The following RUNX3 variants were observed in gnomAD, a reference collection of about 807,000 sequenced individuals.
RUNX3 encodes RUNX family transcription factor 3.
A neutral mutation model predicts 27.7 loss-of-function variants in RUNX3; 10 were observed. That is an observed-to-expected ratio of 0.36 (90% CI 0.22 to 0.61). RUNX3 has a LOEUF of 0.61. Among genes scored for constraint, RUNX3 ranks in the 20% least tolerant of loss-of-function variants. The probability of loss-of-function intolerance (pLI) is 0.72; values close to 1 mark genes in which losing one functional copy is unlikely to be tolerated. For missense variants in RUNX3, 469 were observed against 629.5 expected, an observed-to-expected ratio of 0.75 and a Z score of 2.73; for synonymous variants, 270 against 269.2, an observed-to-expected ratio of 1.00 and a Z score of -0.03.
chr1:24,961,796 C>G (rs1642119117), intron 2 of RUNX3: 1 of 152,168 alleles, frequency 6.6e-6, no homozygotes, highest in African/African-American at 2.4e-5. Flanking sequence ...CCTGCTGGCT[C>G]CATCACACTT....
chr1:24,934,094 A>G (rs888173884), upstream of RUNX3, among the ~76,000 whole-genome samples: 12 of 151,940 alleles, frequency 7.9e-5, no homozygotes, highest in African/African-American at 2.4e-4. Context: ...GAGGGGCATC[A>G]TTGTGATTGA....
rs542338610 is a variant in RUNX3, at chr1:24,915,398, T to C, written c.544+3842A>G. Among the ~76,000 whole-genome samples the C allele has an allele frequency of 3.3e-5, 5 of 152,302 alleles. No individual in the cohort carries two copies. In the South Asian group the frequency reaches 8.3e-4, roughly 25 times the overall value. ...GAGATCTTGCCACTGCACTCCAGCC[T>C]GGGCAACAGAGCAAGACTCCATCTC... On this transcript the variant is annotated intron_variant, in intron 3 of 4. Coordinates refer to ENST00000308873, the MANE Select transcript of RUNX3 (RefSeq NM_004350.3).
At chr1:24,952,534 A>C (rs1641792539) in intron 2 of RUNX3, among the ~76,000 whole-genome samples, 1 of 152,178 alleles carries the variant, frequency 6.6e-6, no homozygotes, top group Non-Finnish European at 1.5e-5. Flanking sequence ...ATCTGAACAC[A>C]CGTTGGGAGA....
At chr1:24,908,537 A>G (rs1049552872) in intron 3 of RUNX3, among the ~76,000 whole-genome samples, 8 of 152,264 alleles carry the variant, frequency 5.3e-5, no homozygotes, top group Admixed American at 2.6e-4. Context: ...GGGGTGGCAC[A>G]AGCCTGTAGT....
Position 24,904,882 on chromosome 1 carries a change from C to A in RUNX3, c.704-2216G>T, listed in dbSNP as rs564729620. 5.1e-4 allele frequency among the ~76,000 whole-genome samples: 77 copies of A among 152,326 alleles called. No individual in the cohort carries two copies. The highest frequency in any genetic ancestry group is 1.7e-3 in the African/African-American group (70 of 41,570). On this transcript the variant is annotated intron_variant, in intron 4 of 4. Coordinates refer to ENST00000308873, the MANE Select transcript of RUNX3 (RefSeq NM_004350.3). This position sits in a 1 kb window ranked among gnomAD's most constrained non-coding sequence, Gnocchi z 5.7. Reference sequence around the variant, plus strand: ...GTACCCCCACCCTGCGGCCTCGCAGCCCCAGGAAACCCGAGCTGCCCGGGG... The same window carrying A: ...GTACCCCCACCCTGCGGCCTCGCAGACCCAGGAAACCCGAGCTGCCCGGGG...
intron 2 of RUNX3, among the ~76,000 whole-genome samples, chr1:24,939,736 C>T (rs975301906): frequency 1.3e-5 from 2 of 152,238 alleles, no homozygotes; most frequent in South Asian, 2.1e-4. Context: ...GAGTTTAACC[C>T]GCTCCCTCAT....
rs111625995 is a variant in RUNX3 at position 24,902,269 on chromosome 1, G to A, written c.1101C>T (p.Ser367=). The part of the protein sequence containing the change: ...PTRMLASCTS[S]AASVAAGNLM... ...GGTTGCCGGCGGCGACAGAGGCAGC[G>A]CTGCTGGTGCAAGAGGCCAGCATGC... The change falls in exon 5 of 5, where the codon AGC becomes AGT. Residue 367 remains serine (S), a synonymous_variant. Transcript: ENST00000308873. This position sits in a 1 kb window ranked among gnomAD's most constrained non-coding sequence, Gnocchi z 9.2. 43 of 1,593,422 alleles carry A rather than the reference G, an allele frequency of 2.7e-5. No homozygotes were observed. The South Asian group carries it at 3.2e-4, about 12-fold the overall frequency.
chr1:24,902,423 G>C lies in RUNX3; in HGVS notation c.947C>G (p.Pro316Arg). The C allele has an allele frequency of 6.2e-7, 1 of 1,611,526 alleles. No individual in the cohort carries two copies. The highest frequency in any genetic ancestry group is 8.5e-7 in the Non-Finnish European group (1 of 1,178,704). ...TYLPPPYPGAPQNQSGPFQAN... is the reference protein window; with the variant it reads ...TYLPPPYPGARQNQSGPFQAN... Reference sequence around the variant, plus strand: ...CTGGAAGGGCCCGCTCTGGTTCTGCGGGGCCCCCGGGTAGGGTGGCGGGAG... The same window carrying C: ...CTGGAAGGGCCCGCTCTGGTTCTGCCGGGCCCCCGGGTAGGGTGGCGGGAG... Residue 316 changes from proline (P) to arginine (R), a missense_variant, in exon 5 of 5, where the codon CCG (proline) becomes CGG (arginine). Around this residue, in one of 3 missense-constraint regions of RUNX3, gnomAD observed 279 missense variants for 343.0 expected, o/e 0.81. Coordinates refer to ENST00000308873, the MANE Select transcript of RUNX3 (RefSeq NM_004350.3). The surrounding 1 kb of genome is among the most constrained non-coding windows in gnomAD (Gnocchi z 9.2).
At chr1:24,956,876 CCT>C (rs1641947021) in intron 2 of RUNX3, among the ~76,000 whole-genome samples, 1 of 152,220 alleles carries the variant, frequency 6.6e-6, no homozygotes, top group South Asian at 2.1e-4. Flanking sequence ...CCCCAGATGC[CCT>C]CTGTTTCCTC....
At chr1:24,960,326 G>A (rs951615921) in intron 2 of RUNX3, among the ~76,000 whole-genome samples, 1 of 152,218 alleles carries the variant, frequency 6.6e-6, no homozygotes, top group Non-Finnish European at 1.5e-5. Flanking sequence ...TGCAAGGTTG[G>A]TGTAACCCCT....
intron 1 of RUNX3, chr1:24,964,768 G>C: frequency 7.4e-7 from 1 of 1,355,354 alleles, no homozygotes; most frequent in South Asian, 1.5e-5. Context: ...AAAAAGGAAA[G>C]AACGCGAGAG....
At chr1:24,921,950 AATTTT>A (rs1406493602) in intron 2 of RUNX3, among the ~76,000 whole-genome samples, 1 of 152,026 alleles carries the variant, frequency 6.6e-6, no homozygotes, top group Non-Finnish European at 1.5e-5. Flanking sequence ...AGGCATTTTT[AATTTT>A]AATTAATTTT....
intron 2 of RUNX3, among the ~76,000 whole-genome samples, chr1:24,942,325 T>C (rs1006857206): frequency 2.0e-5 from 3 of 152,126 alleles, no homozygotes; most frequent in Admixed American, 6.5e-5. Context: ...CAGAAAGCCA[T>C]GGAGCTCCTT....
At position 24,923,486 on chromosome 1, in the gene RUNX3, C is replaced by T. The variant is rs1301285027; in HGVS notation, c.439+4088G>A. Among the ~76,000 whole-genome samples, 1 of 152,172 alleles carries T rather than the reference C, an allele frequency of 6.6e-6. No homozygotes were observed. Among genetic ancestry groups the T allele is most frequent in the Non-Finnish European group, 1.5e-5 (1 of 68,038 alleles). On this transcript the variant is annotated intron_variant, in intron 2 of 4. Transcript: ENST00000308873. This position sits in a 1 kb window ranked among gnomAD's most constrained non-coding sequence, Gnocchi z 5.9. The stretch of plus-strand genomic sequence containing the variant: ...ATCAGGAGCCCAGGAAGTGTAAACC[C>T]AGGCTCTCTGAGGGCTGGCCCTGGT...
chr1:24,955,333 G>A (rs150425467), intron 2 of RUNX3, among the ~76,000 whole-genome samples: 10 of 152,226 alleles, frequency 6.6e-5, no homozygotes, highest in South Asian at 2.1e-4. Flanking sequence ...AGAGTTTGAC[G>A]GGCTGGTTTG....
chr1:24,933,861 G>A (rs1211780853), upstream of RUNX3, among the ~76,000 whole-genome samples: 1 of 152,194 alleles, frequency 6.6e-6, no homozygotes, highest in East Asian at 1.9e-4. Context: ...GTCCAGCGAA[G>A]AGAGCAGAGG....
rs116292813 is a variant in RUNX3 at position 24,912,526 on chromosome 1, T to A, written c.545-5109A>T. Among the ~76,000 whole-genome samples the A allele has an allele frequency of 7.5e-3, 1,140 of 151,996 alleles. 9 individuals carry two copies. The highest frequency in any genetic ancestry group is 0.012 in the Non-Finnish European group (790 of 67,942). On this transcript the variant is annotated intron_variant, in intron 3 of 4. Transcript: ENST00000308873. The stretch of plus-strand genomic sequence containing the variant: ...TCCCACAGTAGATCCCCATCACACC[T>A]CTGCAGGCTAGGGCTGTCCTTTAAA...
In RUNX3 at chr1:24,923,198, G is replaced by A. The variant is rs1571319026; in HGVS notation, c.440-3854C>T. Among the ~76,000 whole-genome samples, 1 of 152,090 alleles carries A rather than the reference G, an allele frequency of 6.6e-6. No individual in the cohort carries two copies. Among genetic ancestry groups the A allele is most frequent in the African/African-American group, 2.4e-5 (1 of 41,396 alleles). On this transcript the variant is annotated intron_variant, in intron 2 of 4. Transcript: ENST00000308873. This position sits in a 1 kb window ranked among gnomAD's most constrained non-coding sequence, Gnocchi z 5.9. Reference sequence around the variant, plus strand: ...CTCGGCCGCTTCCACCAGCTTCCACGCCTGTCACCACCCCTCCCAGGTACA... The same window carrying A: ...CTCGGCCGCTTCCACCAGCTTCCACACCTGTCACCACCCCTCCCAGGTACA...
intron 1 of RUNX3, 149 bp downstream of exon 1, chr1:24,929,438 G>C: frequency 2.5e-6 from 2 of 807,578 alleles, no homozygotes; most frequent in Non-Finnish European, 4.2e-6. Context: ...CCGGAGCCGA[G>C]CGCGCAGCCA....
Sources: gnomAD v4.1 joint callset for allele counts (sites outside exome capture counted in the v4.1 genomes callset) on GRCh38, gnomAD v4.1.1 for gene constraint, gnomAD v4.1.1 regional missense constraint, Gnocchi (gnomAD v3.1) non-coding constraint, MANE v1.5 for transcripts, NCBI Gene and HGNC (gene_info 2026-07-23, HGNC 2026-07-21) for gene names.